Variants in RNF34 observed in about 807,000 individuals in gnomAD.
RNF34 encodes ring finger protein 34, also known as E3 ubiquitin-protein ligase RNF34.
Under a neutral mutation model 37.9 loss-of-function variants are expected in RNF34, and 12 were observed. The observed-to-expected ratio is 0.32, with a 90% CI of 0.20 to 0.51. The LOEUF (loss-of-function observed/expected upper bound fraction) is 0.51, where lower values mean the gene tolerates loss of function less well. Among genes scored for constraint, RNF34 ranks in the 20% least tolerant of loss-of-function variants. RNF34 has a pLI of 0.97. For missense variants in RNF34, 362 were observed against 472.7 expected (o/e 0.77, Z 2.17); for synonymous variants, 155 against 177.2 (o/e 0.87, Z 1.00).
chr12:121,423,526 C>CTG lies in RNF34; in HGVS notation c.1069_1070insTG (p.Pro357LeufsTer31). ...GTGCGGCAAGCGCATGAGTGAGTGT[C>CTG]CCATCTGCCGGCAGTATGTGGTGCG... On this transcript the variant is annotated frameshift_variant, in exon 6 of 6. Transcript: ENST00000361234. LOFTEE classifies it high-confidence loss of function. This position sits in a 1 kb window ranked among gnomAD's most constrained non-coding sequence, Gnocchi z 4.3. The CTG allele has an allele frequency of 6.2e-7, 1 of 1,614,200 alleles. No individual in the cohort carries two copies. Among genetic ancestry groups the CTG allele is most frequent in the Non-Finnish European group, 8.5e-7 (1 of 1,180,038 alleles).
At chr12:121,418,414 G>A (rs889970) in intron 3 of RNF34, 84,818 of 154,594 alleles carry the variant, frequency 0.55, 23,637 homozygotes, top group East Asian at 0.68. Context: ...TATTGTCCCA[G>A]TGAGGTCCTT....
At chr12:121,413,664 G>A (rs1367346765) in intron 1 of RNF34, among the ~76,000 whole-genome samples, 4 of 144,348 alleles carry the variant, frequency 2.8e-5, no homozygotes, top group African/African-American at 7.9e-5. Flanking sequence ...TGCAAGCTCC[G>A]CCTCCCGGGT....
At position 121,416,339 on chromosome 12, in the gene RNF34, A is replaced by G. The variant is rs1326305993; in HGVS notation, c.187A>G (p.Lys63Glu). 6.2e-7 allele frequency: 1 copy of G among 1,614,028 alleles called. No individual in the cohort carries two copies. Among genetic ancestry groups the G allele is most frequent in the Non-Finnish European group, 8.5e-7 (1 of 1,179,988 alleles). ...TACGGAAGGGCCCAACATAGTTTGT[A>G]AAGCCTGTGGGCTTTCATTTTCAGT... Reference protein sequence around the residue: ...AATEGPNIVCKACGLSFSVFR... With the variant: ...AATEGPNIVCEACGLSFSVFR... The change falls in exon 2 of 6, where the codon AAA (lysine) becomes GAA (glutamate). Residue 63 changes from lysine (K) to glutamate (E), a missense_variant. Physicochemically the swap from Lys to Glu is moderately conservative, Grantham distance 56. Transcript: ENST00000361234.
rs989673452 is a variant in RNF34 at position 121,424,070 on chromosome 12, G to T, written c.*494G>T. Reference sequence around the variant, plus strand: ...TTTTAAATGCTAACATTTGATGAATGTAAGTTTCCACATTGTTGCTGTTTC... The same window carrying T: ...TTTTAAATGCTAACATTTGATGAATTTAAGTTTCCACATTGTTGCTGTTTC... On this transcript the variant is annotated 3_prime_UTR_variant, in exon 6 of 6. Transcript: ENST00000361234. 1 of 152,926 alleles carries T rather than the reference G, an allele frequency of 6.5e-6. No homozygotes were observed. Among genetic ancestry groups the T allele is most frequent in the African/African-American group, 2.4e-5 (1 of 41,472 alleles). The allele number at this position is 152,926 out of a possible 1,614,324, so 9.5% of individuals were successfully genotyped here.
At chr12:121,422,102 T>A (rs1376444675) in intron 5 of RNF34, among the ~76,000 whole-genome samples, 1 of 152,218 alleles carries the variant, frequency 6.6e-6, no homozygotes, top group Non-Finnish European at 1.5e-5. Flanking sequence ...ATAGCAACTA[T>A]GTACAGTGCA....
chr12:121,421,770 C>T (rs982886456), intron 5 of RNF34, among the ~76,000 whole-genome samples: 2 of 152,128 alleles, frequency 1.3e-5, no homozygotes, highest in Admixed American at 6.5e-5. Flanking sequence ...CTGAATTAGG[C>T]GTGGGCCACC....
In RNF34 at chr12:121,413,915, T is replaced by C. The variant is rs1422634544; in HGVS notation, c.7-2244T>C. Among the ~76,000 whole-genome samples the C allele has an allele frequency of 2.0e-5, 3 of 152,154 alleles. No individual in the cohort carries two copies. In the East Asian group the frequency reaches 5.8e-4, roughly 29 times the overall value. ...AGGCATCACTATTTCTTGAGAATTA[T>C]AGGGTGTGAAGACTTATAATATTGA... On this transcript the variant is annotated intron_variant, in intron 1 of 5. Transcript: ENST00000361234.
At chr12:121,401,354 C>CAAAAAAAAAAAAAAAAAAAAA (rs563285897) in intron 1 of RNF34, among the ~76,000 whole-genome samples, 1 of 76,796 alleles carries the variant, frequency 1.3e-5, no homozygotes, top group Non-Finnish European at 2.6e-5. Context: ...CTATAGGTAT[C>CAAAAAAAAAAAAAAAAAAAAA]AAAAAAAAAA....
chr12:121,401,048 A>G (rs1869940596), intron 1 of RNF34, among the ~76,000 whole-genome samples: 1 of 152,100 alleles, frequency 6.6e-6, no homozygotes, highest in African/African-American at 2.4e-5. Flanking sequence ...TTTCAGACCT[A>G]GATGGTTTCG....
chr12:121,409,652 A>G (rs1555281118), intron 1 of RNF34: 1 of 152,246 alleles, frequency 6.6e-6, no homozygotes, highest in Non-Finnish European at 1.5e-5. Flanking sequence ...GACCCCAGGA[A>G]TCAGTATTTT....
chr12:121,420,092 A>G, intron 3 of RNF34, 150 bp from the exon 4 acceptor site: 1 of 634,934 alleles, frequency 1.6e-6, no homozygotes, highest in East Asian at 2.9e-5. Flanking sequence ...GTAGGGCCCA[A>G]CTTTTTGGAA....
chr12:121,417,421 A>C lies in RNF34; in HGVS notation c.226-83A>C. 8.0e-7 allele frequency: 1 copy of C among 1,255,052 alleles called. No homozygotes were observed. Among genetic ancestry groups the C allele is most frequent in the East Asian group, 2.3e-5 (1 of 42,842 alleles). 77.7% of individuals were successfully genotyped at this position (1,255,052 alleles called of 1,614,324 possible). A position where few individuals can be genotyped will look rare whatever the true frequency, so the allele number is the denominator to read the frequency against. On this transcript the variant is annotated intron_variant, in intron 2 of 5. Coordinates refer to ENST00000361234, the MANE Select transcript of RNF34 (RefSeq NM_025126.4). This position sits in a 1 kb window ranked among gnomAD's most constrained non-coding sequence, Gnocchi z 5.0. ...GGGACTTCACTAAGAACTAAAATTA[A>C]ATTTTAGTAGAAGGCAGAAAGAAAA...
At position 121,412,396 on chromosome 12, in the gene RNF34, C is replaced by T. The variant is rs538310409; in HGVS notation, c.7-3763C>T. Among the ~76,000 whole-genome samples, 146 of 151,894 alleles carry T rather than the reference C, an allele frequency of 9.6e-4. 1 individual carries two copies. The highest frequency in any genetic ancestry group is 3.4e-3 in the African/African-American group (140 of 41,408). ...CTGGGACTACAGGTGCCCGCCACCACGCCAGGCTAATTTTGTTTTTGTTTT... is the reference window on the plus strand; with the variant it reads ...CTGGGACTACAGGTGCCCGCCACCATGCCAGGCTAATTTTGTTTTTGTTTT... On this transcript the variant is annotated intron_variant, in intron 1 of 5. Transcript: ENST00000361234.
At chr12:121,406,208 T>G (rs576971015) in intron 1 of RNF34, among the ~76,000 whole-genome samples, 1 of 152,338 alleles carries the variant, frequency 6.6e-6, no homozygotes, top group East Asian at 1.9e-4. Context: ...GATACCAGAA[T>G]GACATGAGGA....
chr12:121,416,374 G>A lies in RNF34; in HGVS notation c.222G>A (p.Lys74=). The A allele has an allele frequency of 6.2e-7, 1 of 1,606,076 alleles. No individual in the cohort carries two copies. The highest frequency in any genetic ancestry group is 8.5e-7 in the Non-Finnish European group (1 of 1,172,616). ...ACGLSFSVFR[K]KHVCCDCKKD... ...GGCTTTCATTTTCAGTCTTTAGAAAGAAGGTGAGTTGGATGAAATGTTACA... is the reference window on the plus strand; with the variant it reads ...GGCTTTCATTTTCAGTCTTTAGAAAAAAGGTGAGTTGGATGAAATGTTACA... Residue 74 remains lysine, a synonymous_variant, in exon 2 of 6, where the codon AAG becomes AAA. Coordinates refer to ENST00000361234, the MANE Select transcript of RNF34 (RefSeq NM_025126.4).
chr12:121,416,014 G>A (rs1334955767), intron 1 of RNF34, 145 bp from the exon 2 acceptor site: 24 of 615,146 alleles, frequency 3.9e-5, no homozygotes, highest in Non-Finnish European at 6.3e-5. Context: ...TTTCCAAATG[G>A]CTTGAAATTT....
chr12:121,423,659 T>C lies in RNF34; in HGVS notation c.*83T>C. ...CACAGAAGGGACTGGAAAGTTATGT[T>C]CAAAGGCTGAAGCTATTTTAAAACA... On this transcript the variant is annotated 3_prime_UTR_variant, in exon 6 of 6. Coordinates refer to ENST00000361234, the MANE Select transcript of RNF34 (RefSeq NM_025126.4). This position sits in a 1 kb window ranked among gnomAD's most constrained non-coding sequence, Gnocchi z 4.3. 4 of 1,174,324 alleles carry C rather than the reference T, an allele frequency of 3.4e-6. No individual in the cohort carries two copies. The highest frequency in any genetic ancestry group is 4.9e-6 in the Non-Finnish European group (4 of 821,856). The allele number at this position is 1,174,324 out of a possible 1,614,324, so 72.7% of individuals were successfully genotyped here.
intron 1 of RNF34, among the ~76,000 whole-genome samples, chr12:121,405,710 C>G (rs1593649916): frequency 6.6e-6 from 1 of 152,054 alleles, no homozygotes; most frequent in East Asian, 1.9e-4. Context: ...TCTGGAACTC[C>G]TGACCTCAGA....
In RNF34 at chr12:121,417,843, A is replaced by G; in HGVS notation, c.565A>G (p.Thr189Ala). Residue 189 changes from threonine (T) to alanine (A), a missense_variant, in exon 3 of 6, where the codon ACT becomes GCT. Thr to Ala is a moderately conservative substitution (Grantham distance 58). Transcript: ENST00000361234. This position sits in a 1 kb window ranked among gnomAD's most constrained non-coding sequence, Gnocchi z 5.0. ...FFSNYTAPSA[T>A]MSSFQGELMD... is the part of the protein sequence containing the mutation. Reference sequence around the variant, plus strand: ...TTCAAACTATACAGCCCCCTCTGCTACTATGTCTTCGTTTCAGGGAGAGCT... The same window carrying G: ...TTCAAACTATACAGCCCCCTCTGCTGCTATGTCTTCGTTTCAGGGAGAGCT... 1 of 1,614,120 alleles carries G rather than the reference A, an allele frequency of 6.2e-7. No individual in the cohort carries two copies. The highest frequency in any genetic ancestry group is 8.5e-7 in the Non-Finnish European group (1 of 1,180,040).
Sources: allele counts gnomAD v4.1 joint callset (sites outside exome capture counted in the v4.1 genomes callset), GRCh38; gene constraint gnomAD v4.1.1; non-coding constraint Gnocchi (gnomAD v3.1); transcripts MANE v1.5; gene names NCBI Gene and HGNC (gene_info 2026-07-23, HGNC 2026-07-21).